The following CSMD2 variants were observed in gnomAD, a reference collection of about 807,000 sequenced individuals.
CSMD2 encodes CUB and Sushi multiple domains 2.
Under a neutral mutation model 398.5 loss-of-function variants are expected in CSMD2, and 130 were observed. The observed-to-expected ratio is 0.33, with a 90% CI of 0.28 to 0.38. The LOEUF (loss-of-function observed/expected upper bound fraction) is 0.38. Ranked by LOEUF, CSMD2 falls within the 10% of genes least tolerant of loss-of-function variation. CSMD2 has a pLI of 1.00. For missense variants in CSMD2, 3,829 were observed against 4,764.9 expected, an observed-to-expected ratio of 0.80 and a Z score of 5.78; for synonymous variants, 1,828 against 1,908.5, an observed-to-expected ratio of 0.96 and a Z score of 1.10.
chr1:33,883,317 G>A (rs954372688), intron 5 of CSMD2, among the ~76,000 whole-genome samples: 1 of 152,142 alleles, frequency 6.6e-6, no homozygotes. Flanking sequence ...GTGTAGTTGG[G>A]CAAGTTGCTA....
intron 24 of CSMD2, among the ~76,000 whole-genome samples, chr1:33,696,248 A>AG (rs1321141417): frequency 6.6e-6 from 1 of 152,242 alleles, no homozygotes; most frequent in Non-Finnish European, 1.5e-5. Context: ...ATAGTTGATT[A>AG]GGCAAGATGC....
At chr1:34,105,248 T>G (rs1228762367) in intron 1 of CSMD2, among the ~76,000 whole-genome samples, 1 of 152,326 alleles carries the variant, frequency 6.6e-6, no homozygotes, top group Non-Finnish European at 1.5e-5. Flanking sequence ...AATTCTTCAC[T>G]GTGGGAGGCT....
At chr1:34,003,616 G>A (rs1646968520) in intron 3 of CSMD2, among the ~76,000 whole-genome samples, 1 of 152,110 alleles carries the variant, frequency 6.6e-6, no homozygotes, top group Admixed American at 6.5e-5. Flanking sequence ...TTCTTTGCTG[G>A]CATGGATTAG....
At chr1:34,063,096 C>T (rs887669808) in intron 2 of CSMD2, among the ~76,000 whole-genome samples, 61 of 152,268 alleles carry the variant, frequency 4.0e-4, no homozygotes, top group African/African-American at 1.2e-3. Flanking sequence ...AAACCGCCCC[C>T]GTGATTCAAA....
At chr1:33,769,143 T>C (rs1650935052) in intron 13 of CSMD2, among the ~76,000 whole-genome samples, 1 of 152,198 alleles carries the variant, frequency 6.6e-6, no homozygotes, top group Admixed American at 6.5e-5. Flanking sequence ...TGCCATTGTA[T>C]CTCTTGTGGT....
chr1:33,793,255 G>A (rs1654539783), intron 10 of CSMD2, among the ~76,000 whole-genome samples: 1 of 152,178 alleles, frequency 6.6e-6, no homozygotes, highest in Non-Finnish European at 1.5e-5. Flanking sequence ...AGGTGCTACT[G>A]GAGATGGGGG....
intron 3 of CSMD2, among the ~76,000 whole-genome samples, chr1:33,999,891 T>G (rs559523298): frequency 6.6e-6 from 1 of 152,306 alleles, no homozygotes; most frequent in South Asian, 2.1e-4. Flanking sequence ...TGTTACTATA[T>G]TTGCATAGTG....
chr1:33,889,315 G>A (rs1412474524), intron 5 of CSMD2, among the ~76,000 whole-genome samples: 1 of 152,170 alleles, frequency 6.6e-6, no homozygotes, highest in Non-Finnish European at 1.5e-5. Context: ...ATGGACATAT[G>A]AAGAGATTAC....
chr1:33,669,573 C>T (rs1444120149), intron 25 of CSMD2, among the ~76,000 whole-genome samples: 1 of 152,236 alleles, frequency 6.6e-6, no homozygotes, highest in Non-Finnish European at 1.5e-5. Flanking sequence ...TCTCTTGCTT[C>T]AGAGCCTTCT....
At chr1:34,013,781 C>T (rs2148077918) in intron 3 of CSMD2, among the ~76,000 whole-genome samples, 1 of 152,290 alleles carries the variant, frequency 6.6e-6, no homozygotes, top group South Asian at 2.1e-4. Flanking sequence ...TCTGTCTCTG[C>T]TCCCTTGCGA....
At chr1:33,800,116 A>G (rs1655416830) in intron 10 of CSMD2, among the ~76,000 whole-genome samples, 2 of 152,174 alleles carry the variant, frequency 1.3e-5, no homozygotes, top group Admixed American at 1.3e-4. Flanking sequence ...CATTTCTTTG[A>G]GCCCCTGAGG....
intron 1 of CSMD2, among the ~76,000 whole-genome samples, chr1:34,154,469 G>A (rs1448712546): frequency 6.6e-6 from 1 of 152,208 alleles, no homozygotes; most frequent in East Asian, 1.9e-4. Flanking sequence ...GGTGGAGTAA[G>A]GGGGAGTTGC....
In CSMD2 at chr1:34,162,933, CCGGAGAG is replaced by C. The variant is rs544882339; in HGVS notation, c.187+1971_187+1977del. On this transcript the variant is annotated intron_variant, in intron 1 of 70. Coordinates refer to ENST00000373381, the MANE Select transcript of CSMD2 (RefSeq NM_001281956.2). Reference sequence around the variant, plus strand: ...AGCTTGCAAGCCAGAGCAGGGCCTGCCGGAGAGGAACTACCCCAAGCCATGAACACAA... The same window carrying C: ...AGCTTGCAAGCCAGAGCAGGGCCTGCGAACTACCCCAAGCCATGAACACAA... Among the ~76,000 whole-genome samples, 46 of 152,270 alleles carry C rather than the reference CCGGAGAG, an allele frequency of 3.0e-4. No homozygotes were observed. The South Asian group carries it at 3.7e-3, about 12-fold the overall frequency.
intron 13 of CSMD2, among the ~76,000 whole-genome samples, chr1:33,760,229 C>T (rs562393187): frequency 4.1e-4 from 62 of 152,356 alleles, no homozygotes; most frequent in Non-Finnish European, 7.9e-4. Flanking sequence ...GTGCTTACCC[C>T]GGCCTTTAGG....
At position 33,693,771 on chromosome 1, in the gene CSMD2, A is replaced by C. The variant is rs1051126333; in HGVS notation, c.3926-715T>G. On this transcript the variant is annotated intron_variant, in intron 24 of 70. Transcript: ENST00000373381. Reference sequence around the variant, plus strand: ...TAGTATTCAACCATAAAAAGGAATCAAGGCGGCCGGGCATGGTGGCTCATC... The same window carrying C: ...TAGTATTCAACCATAAAAAGGAATCCAGGCGGCCGGGCATGGTGGCTCATC... Among the ~76,000 whole-genome samples, 4 of 152,196 alleles carry C rather than the reference A, an allele frequency of 2.6e-5. No homozygotes were observed. The South Asian group carries it at 6.2e-4, about 24-fold the overall frequency.
chr1:33,804,678 T>C, intron 10 of CSMD2: 1 of 716,756 alleles, frequency 1.4e-6, no homozygotes, highest in Non-Finnish European at 2.6e-6. Flanking sequence ...TTAGAGACTA[T>C]GCTTTTTGCT....
At chr1:34,008,638 A>G (rs1647138855) in intron 3 of CSMD2, among the ~76,000 whole-genome samples, 1 of 152,212 alleles carries the variant, frequency 6.6e-6, no homozygotes, top group Admixed American at 6.5e-5. Flanking sequence ...TCTCACCTAA[A>G]CACACAGATG....
At chr1:33,539,240 A>G (rs1393928821) in intron 60 of CSMD2, among the ~76,000 whole-genome samples, 1 of 152,210 alleles carries the variant, frequency 6.6e-6, no homozygotes, top group Non-Finnish European at 1.5e-5. Context: ...TGCTGAGATT[A>G]TGGGCATGAG....
chr1:33,986,298 C>T (rs144053537), intron 3 of CSMD2, among the ~76,000 whole-genome samples: 83 of 152,308 alleles, frequency 5.4e-4, no homozygotes, highest in African/African-American at 1.8e-3. Flanking sequence ...ACCTCTCCAG[C>T]GCTGCTGAAA....
Sources: allele counts gnomAD v4.1 joint callset (sites outside exome capture counted in the v4.1 genomes callset), GRCh38; gene constraint gnomAD v4.1.1; transcripts MANE v1.5; gene names NCBI Gene and HGNC (gene_info 2026-07-23, HGNC 2026-07-21).